SLC7A8: variants seen among roughly 807,000 people sequenced by gnomAD.
SLC7A8 encodes solute carrier family 7 member 8.
Under a neutral mutation model 51.2 loss-of-function variants are expected in SLC7A8, and 30 were observed. That is an observed-to-expected ratio of 0.59 (90% CI 0.44 to 0.80). The LOEUF (loss-of-function observed/expected upper bound fraction) is 0.80. SLC7A8 is among the 30% of genes least tolerant of loss of function. The pLI, the probability that SLC7A8 is intolerant of heterozygous loss-of-function variation, is 0.00. For synonymous variants in SLC7A8, 257 were observed against 275.8 expected, an observed-to-expected ratio of 0.93 and a Z score of 0.67; for missense variants, 612 against 674.4, an observed-to-expected ratio of 0.91 and a Z score of 1.03.
chr14:23,176,383 T>C (rs973289494), intron 1 of SLC7A8, among the ~76,000 whole-genome samples: 1 of 152,190 alleles, frequency 6.6e-6, no homozygotes, highest in African/African-American at 2.4e-5. Flanking sequence ...GTCTCAGGGT[T>C]GTCTTCCTCC....
intron 1 of SLC7A8, among the ~76,000 whole-genome samples, chr14:23,169,588 G>A (rs1175784157): frequency 6.6e-6 from 1 of 151,982 alleles, no homozygotes; most frequent in African/African-American, 2.4e-5. Context: ...TGTATTTTTA[G>A]TAGAGATGGG....
chr14:23,130,000 G>T (rs1477524775), intron 8 of SLC7A8: 2 of 580,854 alleles, frequency 3.4e-6, no homozygotes, highest in East Asian at 3.1e-5. Flanking sequence ...TATTACAGGG[G>T]TGATGATCAA....
chr14:23,157,258 A>G (rs2048898803), intron 3 of SLC7A8, among the ~76,000 whole-genome samples: 2 of 152,170 alleles, frequency 1.3e-5, no homozygotes, highest in Admixed American at 1.3e-4. Context: ...AAGGCCTACC[A>G]ATTCTACCTC....
intron 3 of SLC7A8, among the ~76,000 whole-genome samples, chr14:23,161,143 G>A (rs572797382): frequency 5.3e-5 from 8 of 151,840 alleles, no homozygotes; most frequent in Non-Finnish European, 1.2e-4. Flanking sequence ...CTCAGGATCC[G>A]GCAGGCAAGC....
At chr14:23,161,501 G>A (rs574011979) in intron 3 of SLC7A8, among the ~76,000 whole-genome samples, 2 of 147,544 alleles carry the variant, frequency 1.4e-5, no homozygotes, top group Non-Finnish European at 3.0e-5. Flanking sequence ...TCTCTACTGC[G>A]TCTCTCAAAA....
intron 1 of SLC7A8, among the ~76,000 whole-genome samples, chr14:23,172,881 C>T (rs73600416): frequency 0.032 from 4,918 of 152,188 alleles, 274 homozygotes; most frequent in African/African-American, 0.11. Flanking sequence ...TTTGGTTAAG[C>T]TCTAATCCCT....
chr14:23,137,072 G>GGGTACTTTCTGAGGGCAGC (rs1566358700), intron 7 of SLC7A8, among the ~76,000 whole-genome samples: 4 of 152,004 alleles, frequency 2.6e-5, no homozygotes, highest in Non-Finnish European at 5.9e-5. Flanking sequence ...CTGAGGGCAG[G>GGGTACTTTCTGAGGGCAGC]GGGTGCTTTC....
intron 3 of SLC7A8, among the ~76,000 whole-genome samples, chr14:23,143,654 C>A (rs531391041): frequency 6.6e-6 from 1 of 152,192 alleles, no homozygotes; most frequent in South Asian, 2.1e-4. Context: ...GAGATATAAT[C>A]TACATCTTAC....
chr14:23,161,131 C>T (rs1420689471), intron 3 of SLC7A8, among the ~76,000 whole-genome samples: 9 of 152,064 alleles, frequency 5.9e-5, no homozygotes, highest in Non-Finnish European at 1.0e-4. Flanking sequence ...CTCCCCGACC[C>T]GCTCAGGATC....
At chr14:23,170,283 C>G (rs938244091) in intron 1 of SLC7A8, among the ~76,000 whole-genome samples, 1 of 152,194 alleles carries the variant, frequency 6.6e-6, no homozygotes, top group African/African-American at 2.4e-5. Flanking sequence ...CATGCTGCCT[C>G]CCCTCTGGAA....
Position 23,128,438 on chromosome 14 carries a change from T to C in SLC7A8, c.1264-242A>G. ...TGGGGAGGAGTTAGGGAGGAAACGA[T>C]CCTCCTTGCCCATGTCCTCGCTCTT... On this transcript the variant is annotated intron_variant, in intron 9 of 10. Transcript: ENST00000316902. The surrounding 1 kb of genome is among the most constrained non-coding windows in gnomAD (Gnocchi z 4.3). 7.2e-7 allele frequency: 1 copy of C among 1,384,124 alleles called. No homozygotes were observed. The highest frequency in any genetic ancestry group is 9.8e-7 in the Non-Finnish European group (1 of 1,023,380). The allele number at this position is 1,384,124 out of a possible 1,614,324, so 85.7% of individuals were successfully genotyped here. A position where few individuals can be genotyped will look rare whatever the true frequency, so the allele number is the denominator to read the frequency against.
rs747189751 is a variant in SLC7A8, at chr14:23,155,222, C to A, written c.508+10063G>T. 5.9e-6 allele frequency: 9 copies of A among 1,535,904 alleles called. No homozygotes were observed. In the African/African-American group the frequency reaches 1.2e-4, roughly 21 times the overall value. On this transcript the variant is annotated intron_variant, in intron 3 of 10. Transcript: ENST00000316902. ...AGGAGAGGAGGTGCTCTGAGCCTTC[C>A]GGAAGGGCCTCTCTCTTCCAAGGAC...
In SLC7A8 at chr14:23,157,163, A is replaced by G. The variant is rs28420906; in HGVS notation, c.508+8122T>C. On this transcript the variant is annotated intron_variant, in intron 3 of 10. Coordinates refer to ENST00000316902, the MANE Select transcript of SLC7A8 (RefSeq NM_012244.4). Reference sequence around the variant, plus strand: ...GATGATACAACAATACGTACAGACAATACGACCCAGTGTTGTCCTTGATTT... The same window carrying G: ...GATGATACAACAATACGTACAGACAGTACGACCCAGTGTTGTCCTTGATTT... Among the ~76,000 whole-genome samples the G allele has an allele frequency of 2.2e-3, 336 of 152,316 alleles. 3 individuals carry two copies. The highest frequency in any genetic ancestry group is 7.7e-3 in the African/African-American group (320 of 41,556).
At chr14:23,168,429 G>C (rs1224253746) in intron 1 of SLC7A8, among the ~76,000 whole-genome samples, 1 of 152,200 alleles carries the variant, frequency 6.6e-6, no homozygotes, top group Admixed American at 6.5e-5. Context: ...TCTAGAGACA[G>C]GTTTGCTAAT....
rs1312160681 is a variant in SLC7A8 at position 23,183,016 on chromosome 14, G to A, written c.-102C>T. The A allele has an allele frequency of 1.4e-6, 2 of 1,464,892 alleles. No homozygotes were observed. Among genetic ancestry groups the A allele is most frequent in the Non-Finnish European group, 1.9e-6 (2 of 1,060,088 alleles). The allele number at this position is 1,464,892 out of a possible 1,614,324, so 90.7% of individuals were successfully genotyped here. A position where few individuals can be genotyped will look rare whatever the true frequency, so the allele number is the denominator to read the frequency against. On this transcript the variant is annotated 5_prime_UTR_variant, in exon 1 of 11. Transcript: ENST00000316902. Reference sequence around the variant, plus strand: ...GCTTTGAATTAGAACGTCCTTTTCCGAAATAGGAACCACTGCTACTCTCTA... The same window carrying A: ...GCTTTGAATTAGAACGTCCTTTTCCAAAATAGGAACCACTGCTACTCTCTA...
At chr14:23,173,852 G>C (rs1046606783) in intron 1 of SLC7A8, among the ~76,000 whole-genome samples, 6 of 151,444 alleles carry the variant, frequency 4.0e-5, no homozygotes, top group Non-Finnish European at 8.8e-5. Context: ...TGTTGCCCAG[G>C]CTGGTCTTGA....
chr14:23,138,176 T>C, intron 6 of SLC7A8, 152 bp from the exon 7 acceptor site: 1 of 915,454 alleles, frequency 1.1e-6, no homozygotes, highest in East Asian at 2.6e-5. Context: ...CTCTCAAGGG[T>C]GGACCCCTAC....
At chr14:23,137,630 A>G (rs1333246582) in intron 7 of SLC7A8, among the ~76,000 whole-genome samples, 1 of 152,220 alleles carries the variant, frequency 6.6e-6, no homozygotes, top group Non-Finnish European at 1.5e-5. Flanking sequence ...GGCGTCAGGC[A>G]GGCTGGCGGC....
At chr14:23,178,885 C>CAAAAAAAA (rs386380884) in intron 1 of SLC7A8, among the ~76,000 whole-genome samples, 5 of 78,716 alleles carry the variant, frequency 6.4e-5, no homozygotes, top group African/African-American at 1.6e-4. Context: ...ATCTTGTCTC[C>CAAAAAAAA]AAAAAAAAAA....
Sources: gnomAD v4.1 joint callset for allele counts (sites outside exome capture counted in the v4.1 genomes callset) on GRCh38, gnomAD v4.1.1 for gene constraint, Gnocchi (gnomAD v3.1) non-coding constraint, MANE v1.5 for transcripts, NCBI Gene and HGNC (gene_info 2026-07-23, HGNC 2026-07-21) for gene names.